DYNC1I1: variants seen among roughly 807,000 people sequenced by gnomAD.
The protein encoded by DYNC1I1 is dynein cytoplasmic 1 intermediate chain 1, also known as cytoplasmic dynein 1 intermediate chain 1.
In DYNC1I1, 43 loss-of-function variants were observed where a neutral mutation model predicts 86.6. The observed-to-expected ratio is 0.50, with a 90% CI of 0.39 to 0.64. DYNC1I1 has a LOEUF of 0.64. Among genes scored for constraint, DYNC1I1 ranks in the 30% least tolerant of loss-of-function variants. DYNC1I1 has a pLI of 0.00. For synonymous variants in DYNC1I1, 262 were observed against 283.7 expected, an observed-to-expected ratio of 0.92 and a Z score of 0.77; for missense variants, 604 against 788.8, an observed-to-expected ratio of 0.77 and a Z score of 2.81.
At chr7:96,103,682 G>A (rs1375715680) in intron 16 of DYNC1I1, among the ~76,000 whole-genome samples, 5 of 150,958 alleles carry the variant, frequency 3.3e-5, no homozygotes, top group Non-Finnish European at 7.4e-5. Flanking sequence ...ACATGATCTC[G>A]GCTCACCGCA....
intron 14 of DYNC1I1, among the ~76,000 whole-genome samples, chr7:96,040,157 C>T (rs1788993153): frequency 6.6e-6 from 1 of 152,184 alleles, no homozygotes. Flanking sequence ...TCACTTGAAC[C>T]TGTCAGGCAG....
At chr7:95,954,641 A>G (rs893541377) in intron 6 of DYNC1I1, among the ~76,000 whole-genome samples, 17 of 152,140 alleles carry the variant, frequency 1.1e-4, no homozygotes, top group Non-Finnish European at 7.3e-5. Context: ...TGGGCCGGGC[A>G]TGGTGGCTCA....
intron 2 of DYNC1I1, among the ~76,000 whole-genome samples, chr7:95,807,039 A>T (rs1794717283): frequency 6.6e-6 from 1 of 152,090 alleles, no homozygotes; most frequent in Non-Finnish European, 1.5e-5. Context: ...TTCCTCACAG[A>T]TTCAAGAGGA....
At chr7:96,104,589 A>T (rs1266116395) in intron 16 of DYNC1I1, among the ~76,000 whole-genome samples, 1 of 152,162 alleles carries the variant, frequency 6.6e-6, no homozygotes, top group Non-Finnish European at 1.5e-5. Flanking sequence ...ACATATGGAT[A>T]ACCAGCTGTT....
At chr7:95,781,174 C>T (rs745433927) in intron 1 of DYNC1I1, among the ~76,000 whole-genome samples, 1 of 152,180 alleles carries the variant, frequency 6.6e-6, no homozygotes, top group East Asian at 1.9e-4. Context: ...CAAACTAAAT[C>T]TCCCAATGCA....
At chr7:95,797,020 T>C (rs1562896528) in intron 1 of DYNC1I1, among the ~76,000 whole-genome samples, 2 of 152,080 alleles carry the variant, frequency 1.3e-5, no homozygotes, top group African/African-American at 4.8e-5. Flanking sequence ...GCACAGTTTT[T>C]AAAAAAATAA....
At chr7:95,968,300 A>G (rs1793069596) in intron 6 of DYNC1I1, among the ~76,000 whole-genome samples, 1 of 152,128 alleles carries the variant, frequency 6.6e-6, no homozygotes, top group Admixed American at 6.5e-5. Context: ...GGAATGCTAG[A>G]GAACATGTAC....
At chr7:95,996,777 C>A (rs573439391) in intron 10 of DYNC1I1, among the ~76,000 whole-genome samples, 1 of 152,310 alleles carries the variant, frequency 6.6e-6, no homozygotes, top group South Asian at 2.1e-4. Flanking sequence ...AATACACCAA[C>A]CCCTTTATTA....
At chr7:95,958,323 G>A (rs574612973) in intron 6 of DYNC1I1, among the ~76,000 whole-genome samples, 1 of 152,296 alleles carries the variant, frequency 6.6e-6, no homozygotes, top group South Asian at 2.1e-4. Flanking sequence ...AGATGCAATA[G>A]CTCACAAGTG....
At chr7:95,810,544 C>A (rs1326094210) in intron 3 of DYNC1I1, 38 bp downstream of exon 3, 57 of 1,558,202 alleles carry the variant, frequency 3.7e-5, no homozygotes, top group Non-Finnish European at 5.0e-5. Context: ...TCCTCAAAAT[C>A]AACTTGCGTG....
At chr7:96,043,448 G>T (rs955040935) in intron 14 of DYNC1I1, among the ~76,000 whole-genome samples, 1 of 151,464 alleles carries the variant, frequency 6.6e-6, no homozygotes. Flanking sequence ...AACCCAGACC[G>T]CTGGCATATC....
intron 4 of DYNC1I1, among the ~76,000 whole-genome samples, chr7:95,821,623 C>T (rs573414340): frequency 6.0e-4 from 92 of 152,196 alleles, no homozygotes; most frequent in Middle Eastern, 3.4e-3. Flanking sequence ...GAACAAGAAC[C>T]GACCATGGGA....
chr7:95,892,504 G>T (rs1790770400), intron 6 of DYNC1I1, among the ~76,000 whole-genome samples: 1 of 152,160 alleles, frequency 6.6e-6, no homozygotes, highest in South Asian at 2.1e-4. Flanking sequence ...GTAGAGATGG[G>T]GTTTCACTGT....
intron 6 of DYNC1I1, among the ~76,000 whole-genome samples, chr7:95,871,303 A>G (rs1028006405): frequency 2.0e-5 from 3 of 152,138 alleles, no homozygotes; most frequent in Admixed American, 1.3e-4. Context: ...AAACCAACCA[A>G]CCCAACAAAT....
intron 1 of DYNC1I1, among the ~76,000 whole-genome samples, chr7:95,791,034 A>G (rs1330509121): frequency 6.6e-6 from 1 of 152,246 alleles, no homozygotes; most frequent in Non-Finnish European, 1.5e-5. Flanking sequence ...TTCTTAATTT[A>G]TAGTTTTAGA....
Position 96,097,644 on chromosome 7 carries a change from AGC to A in DYNC1I1, c.*53_*54del, listed in dbSNP as rs779763573. On this transcript the variant is annotated 3_prime_UTR_variant, in exon 17 of 17. Coordinates refer to ENST00000447467, the MANE Select transcript of DYNC1I1 (RefSeq NM_001135556.2). ...CCCCCACCTTTGTGTCCTAGAGCTC[AGC>A]GTCTGCAGTCAAGTCTCTTGTATTC... 1 of 1,607,890 alleles carries A rather than the reference AGC, an allele frequency of 6.2e-7. No individual in the cohort carries two copies. The highest frequency in any genetic ancestry group is 2.2e-5 in the East Asian group (1 of 44,752).
At chr7:95,776,399 TAAAC>T (rs1793841975) in intron 1 of DYNC1I1, among the ~76,000 whole-genome samples, 2 of 152,140 alleles carry the variant, frequency 1.3e-5, no homozygotes, top group South Asian at 4.1e-4. Context: ...GGAACCTTCT[TAAAC>T]AAAAACCCAT....
At chr7:96,048,337 C>T (rs1345281486) in intron 14 of DYNC1I1, among the ~76,000 whole-genome samples, 1 of 152,190 alleles carries the variant, frequency 6.6e-6, no homozygotes, top group Non-Finnish European at 1.5e-5. Context: ...CACAGTCTGT[C>T]CCCACCATTA....
chr7:96,029,665 C>G (rs900452214), intron 11 of DYNC1I1, among the ~76,000 whole-genome samples: 6 of 152,030 alleles, frequency 3.9e-5, no homozygotes, highest in Admixed American at 1.3e-4. Context: ...CCTCTAATGC[C>G]AGCATTTTGG....
Sources: gnomAD v4.1 joint callset for allele counts (sites outside exome capture counted in the v4.1 genomes callset) on GRCh38, gnomAD v4.1.1 for gene constraint, MANE v1.5 for transcripts, NCBI Gene and HGNC (gene_info 2026-07-23, HGNC 2026-07-21) for gene names.